NOX4: variants seen among roughly 807,000 people sequenced by gnomAD.
NOX4 encodes NADPH oxidase 4.
NOX4 carries 69 observed loss-of-function variants against 87.6 expected under a neutral mutation model. The ratio of observed to expected loss-of-function variants is 0.79; its 90% CI spans 0.65 to 0.96. The LOEUF (loss-of-function observed/expected upper bound fraction) is 0.96, where lower values mean the gene tolerates loss of function less well. NOX4 is among the 40% of genes least tolerant of loss of function. NOX4 has a pLI of 0.00. For synonymous variants in NOX4, 275 were observed against 238.2 expected (o/e 1.15, Z -1.42); for missense variants, 680 against 681.5 (o/e 1.00, Z 0.02).
At chr11:89,524,536 A>T in the NOX4 span, among the ~76,000 whole-genome samples, 2 of 152,104 alleles carry the variant, frequency 1.3e-5, no homozygotes, top group Admixed American at 6.5e-5. Context: ...TCATACTCCT[A>T]TGTAAGATTT....
chr11:89,561,848 C>A, the NOX4 span, among the ~76,000 whole-genome samples: 2 of 152,102 alleles, frequency 1.3e-5, no homozygotes, highest in Non-Finnish European at 2.9e-5. Context: ...ATTGGAAAAA[C>A]AGAATTGGAG....
Position 89,402,510 on chromosome 11 carries a change from G to T in NOX4, c.662C>A (p.Thr221Asn). Reference protein sequence around the residue: ...GLLKYQTNLDTHPPGCISLNR... With the variant: ...GLLKYQTNLDNHPPGCISLNR... Reference sequence around the variant, plus strand: ...AAGACTGATGCAGCCGGGAGGGTGGGTATCTAAATTAGTTTGATACTTCAG... The same window carrying T: ...AAGACTGATGCAGCCGGGAGGGTGGTTATCTAAATTAGTTTGATACTTCAG... The change falls in exon 9 of 18, where the codon ACC becomes AAC. Residue 221 changes from threonine to asparagine, a missense_variant. Physicochemically the swap from Thr to Asn is moderately conservative, Grantham distance 65. Coordinates refer to ENST00000263317, the MANE Select transcript of NOX4 (RefSeq NM_016931.5). The T allele has an allele frequency of 6.2e-7, 1 of 1,610,926 alleles. No individual in the cohort carries two copies. Among genetic ancestry groups the T allele is most frequent in the Non-Finnish European group, 8.5e-7 (1 of 1,178,926 alleles).
chr11:89,455,890 T>C (rs1201672317), intron 2 of NOX4, among the ~76,000 whole-genome samples: 1 of 151,904 alleles, frequency 6.6e-6, no homozygotes, highest in Non-Finnish European at 1.5e-5. Context: ...GAAATTGAAC[T>C]CATGGAGACA....
chr11:89,419,318 T>G (rs1942961270), intron 8 of NOX4, among the ~76,000 whole-genome samples: 1 of 152,082 alleles, frequency 6.6e-6, no homozygotes, highest in Admixed American at 6.6e-5. Flanking sequence ...AACCAAAAGT[T>G]GAAGAACAAA....
intron 11 of NOX4, among the ~76,000 whole-genome samples, chr11:89,399,432 A>AAAATAT (rs1290741300): frequency 1.2e-4 from 9 of 75,642 alleles, no homozygotes; most frequent in African/African-American, 4.6e-4. Flanking sequence ...CAAGAAATTA[A>AAAATAT]ATATATATAT....
chr11:89,364,589 G>T (rs1938791773), intron 12 of NOX4, among the ~76,000 whole-genome samples: 1 of 152,002 alleles, frequency 6.6e-6, no homozygotes, highest in Non-Finnish European at 1.5e-5. Flanking sequence ...ATTTTCAGAA[G>T]ATGAGATGTA....
intron 2 of NOX4, among the ~76,000 whole-genome samples, chr11:89,454,073 A>C (rs930396935): frequency 7.2e-5 from 11 of 152,144 alleles, no homozygotes; most frequent in Non-Finnish European, 1.6e-4. Flanking sequence ...ACAAGGTCAC[A>C]GCCTCATATA....
chr11:89,529,760 C>A, the NOX4 span, among the ~76,000 whole-genome samples: 1 of 152,176 alleles, frequency 6.6e-6, no homozygotes, highest in Non-Finnish European at 1.5e-5. Flanking sequence ...TTTCATTCTT[C>A]AGTGACACAC....
At chr11:89,586,392 A>G in the NOX4 span, among the ~76,000 whole-genome samples, 108 of 152,300 alleles carry the variant, frequency 7.1e-4, no homozygotes, top group Non-Finnish European at 1.3e-3. Context: ...GTAGGTACCA[A>G]TGTCTTCAGA....
chr11:89,488,166 T>C (rs182488215), intron 2 of NOX4, among the ~76,000 whole-genome samples: 69 of 152,224 alleles, frequency 4.5e-4, no homozygotes, highest in African/African-American at 1.5e-3. Flanking sequence ...CTCACTATAA[T>C]TATACTTGTG....
chr11:89,496,211 G>A (rs1382241192), upstream of NOX4, among the ~76,000 whole-genome samples: 2 of 152,168 alleles, frequency 1.3e-5, no homozygotes, highest in African/African-American at 4.8e-5. Flanking sequence ...ATTTAGGAAT[G>A]TCTACCGTGC....
intron 2 of NOX4, among the ~76,000 whole-genome samples, chr11:89,459,837 G>C (rs1418118110): frequency 1.3e-5 from 2 of 152,124 alleles, no homozygotes; most frequent in East Asian, 3.9e-4. Flanking sequence ...AACCAAAAAA[G>C]AGCCCACAAT....
chr11:89,451,894 A>G lies in NOX4; in HGVS notation c.155T>C (p.Leu52Pro). ...EYHYLHQMLG[L>P]GLCLSRASAS... is the part of the protein sequence containing the mutation. ...TGAGGCTCTGCTTAGACACAATCCT[A>G]GCTGAACAAATAAGGCAAGGTCAGC... Residue 52 changes from leucine to proline, a missense_variant and splice_region_variant, in exon 3 of 18, where the codon CTA (leucine) becomes CCA (proline). By Grantham distance (98) the Leu-to-Pro change is moderately conservative. Transcript: ENST00000263317. The G allele has an allele frequency of 6.2e-7, 1 of 1,606,990 alleles. No individual in the cohort carries two copies. The highest frequency in any genetic ancestry group is 8.5e-7 in the Non-Finnish European group (1 of 1,173,786).
chr11:89,550,130 C>T, the NOX4 span, among the ~76,000 whole-genome samples: 62,896 of 151,634 alleles, frequency 0.41, 13,828 homozygotes, highest in African/African-American at 0.56. Flanking sequence ...GTAAAAGTGT[C>T]CCTATTTCTC....
chr11:89,453,018 T>C (rs969542041), intron 2 of NOX4, among the ~76,000 whole-genome samples: 1 of 147,782 alleles, frequency 6.8e-6, no homozygotes, highest in African/African-American at 2.5e-5. Flanking sequence ...GAGTACAGCC[T>C]GGGTGAAAGG....
the NOX4 span, among the ~76,000 whole-genome samples, chr11:89,513,486 G>T: frequency 6.6e-6 from 1 of 151,978 alleles, no homozygotes; most frequent in South Asian, 2.1e-4. Context: ...ATATGCAATA[G>T]AAATTAAGGT....
chr11:89,530,509 CTTT>C, the NOX4 span, among the ~76,000 whole-genome samples: 1 of 135,458 alleles, frequency 7.4e-6, no homozygotes, highest in South Asian at 2.4e-4. Flanking sequence ...CATCTGTCTA[CTTT>C]TTTTTTTTTT....
chr11:89,573,687 G>A, the NOX4 span, among the ~76,000 whole-genome samples: 1 of 152,124 alleles, frequency 6.6e-6, no homozygotes, highest in Admixed American at 6.5e-5. Context: ...GAGCAGGAGT[G>A]GAAGTTTATT....
chr11:89,507,569 T>C, the NOX4 span, among the ~76,000 whole-genome samples: 107 of 151,958 alleles, frequency 7.0e-4, no homozygotes, highest in Non-Finnish European at 1.3e-3. Context: ...TGTGTGTGTA[T>C]ATAGGTATAT....
Sources: allele counts gnomAD v4.1 joint callset (sites outside exome capture counted in the v4.1 genomes callset), GRCh38; gene constraint gnomAD v4.1.1; transcripts MANE v1.5; gene names NCBI Gene and HGNC (gene_info 2026-07-23, HGNC 2026-07-21).